The following GOLGA1 variants were observed in gnomAD, a reference collection of about 807,000 sequenced individuals.
GOLGA1 encodes the protein golgin subfamily A member 1.
GOLGA1 carries 63 observed loss-of-function variants against 119.7 expected under a neutral mutation model. The ratio of observed to expected loss-of-function variants is 0.53; its 90% CI spans 0.43 to 0.65. The LOEUF (loss-of-function observed/expected upper bound fraction) is 0.65. Ranked by LOEUF, GOLGA1 falls within the 30% of genes least tolerant of loss-of-function variation. The pLI is 0.00. For synonymous variants in GOLGA1, 318 were observed against 333.4 expected (o/e 0.95, Z 0.50); for missense variants, 798 against 912.8 (o/e 0.87, Z 1.62).
chr9:124,918,772 A>G (rs969333062), intron 10 of GOLGA1, among the ~76,000 whole-genome samples: 1 of 151,962 alleles, frequency 6.6e-6, no homozygotes, highest in Non-Finnish European at 1.5e-5. Flanking sequence ...AAACAAAATA[A>G]TACAAAAACC....
Position 124,939,593 on chromosome 9 carries a change from G to A in GOLGA1, c.-156+513C>T, listed in dbSNP as rs550999994. 1.1e-3 allele frequency among the ~76,000 whole-genome samples: 98 copies of A among 85,590 alleles called. 3 individuals are homozygous for A. The South Asian group carries it at 0.029, about 25-fold the overall frequency. 56.2% of individuals were successfully genotyped at this position (85,590 alleles called of 152,430 possible). On this transcript the variant is annotated intron_variant, in intron 2 of 22. Transcript: ENST00000373555. The stretch of plus-strand genomic sequence containing the variant: ...TTTTTTTTTTTTGAGATGGAGTTTC[G>A]CTCTTGTTGCCTAAGCTGGAATGCA...
rs561689475 is a variant in GOLGA1, at chr9:124,934,123, A to G, written c.136-2717T>C. Among the ~76,000 whole-genome samples, 3 of 152,284 alleles carry G rather than the reference A, an allele frequency of 2.0e-5. No homozygotes were observed. In the South Asian group the frequency reaches 6.2e-4, roughly 32 times the overall value. ...TTCCTATCCCCATTTTATAGATGTGAAAAATAAGGCAAGGAAAAATGAAGA... is the reference window on the plus strand; with the variant it reads ...TTCCTATCCCCATTTTATAGATGTGGAAAATAAGGCAAGGAAAAATGAAGA... On this transcript the variant is annotated intron_variant, in intron 3 of 22. Transcript: ENST00000373555.
chr9:124,912,067 C>T, intron 10 of GOLGA1, 41 bp from the exon 11 acceptor site: 1 of 1,582,230 alleles, frequency 6.3e-7, no homozygotes, highest in Non-Finnish European at 8.6e-7. Context: ...TAGAAGCCCT[C>T]TCTTCCTTCC....
At position 124,946,591 on chromosome 9, in the gene GOLGA1, A is replaced by G. The variant is rs1319104106; in HGVS notation, c.-156+1327T>C. ...CTCCTACACTCTTTCATGCAAATAA[A>G]TATGTCAACTGAAGTAACCAAACAT... On this transcript the variant is annotated intron_variant, in intron 1 of 4. Coordinates refer to the GOLGA1 transcript ENST00000421514. The surrounding 1 kb of genome is among the most constrained non-coding windows in gnomAD (Gnocchi z 4.0). 1.3e-5 allele frequency: 2 copies of G among 152,208 alleles called. No individual in the cohort carries two copies. Among genetic ancestry groups the G allele is most frequent in the African/African-American group, 4.8e-5 (2 of 41,458 alleles). The allele number at this position is 152,208 out of a possible 1,614,324, so 9.4% of individuals were successfully genotyped here.
At chr9:124,908,516 T>A in intron 11 of GOLGA1, 44 bp from the exon 12 acceptor site, 1 of 986,222 alleles carries the variant, frequency 1.0e-6, no homozygotes, top group East Asian at 2.4e-5. Flanking sequence ...CATTCCTCAG[T>A]TGAATAAATA....
intron 13 of GOLGA1, 88 bp from the exon 14 acceptor site, chr9:124,899,566 T>C: frequency 2.3e-6 from 3 of 1,283,048 alleles, no homozygotes; most frequent in Non-Finnish European, 3.2e-6. Context: ...AAGATGAGTA[T>C]CCAACAGAAA....
rs183682003 is a variant in GOLGA1, at chr9:124,924,921, T to C, written c.433-1698A>G. ...AGTGAAACCCTGTCTCTACTAAAAA[T>C]ATAAAAAAATTAGCCAGGTGTGGTG... On this transcript the variant is annotated intron_variant, in intron 7 of 22. Transcript: ENST00000373555. Among the ~76,000 whole-genome samples the C allele has an allele frequency of 6.0e-3, 913 of 151,314 alleles. 9 individuals are homozygous for C. Among genetic ancestry groups the C allele is most frequent in the African/African-American group, 0.021 (865 of 41,240 alleles).
In GOLGA1 at chr9:124,897,808, G is replaced by T. The variant is rs1588067557; in HGVS notation, c.1407+741C>A. Among the ~76,000 whole-genome samples, 3 of 152,306 alleles carry T rather than the reference G, an allele frequency of 2.0e-5. No individual in the cohort carries two copies. The East Asian group carries it at 5.8e-4, about 29-fold the overall frequency. On this transcript the variant is annotated intron_variant, in intron 15 of 22. Transcript: ENST00000373555. ...TGTCACTCATCAGATCTGATTACTG[G>T]AAGCTTACTAGGTGCAGGCATTCAT...
chr9:124,897,555 G>A (rs921866384), intron 15 of GOLGA1, among the ~76,000 whole-genome samples: 2 of 152,102 alleles, frequency 1.3e-5, no homozygotes, highest in African/African-American at 4.8e-5. Flanking sequence ...TGGCCAGGCT[G>A]GTCTCGAACT....
At chr9:124,920,802 C>CG (rs1830551185) in intron 10 of GOLGA1, among the ~76,000 whole-genome samples, 1 of 140,912 alleles carries the variant, frequency 7.1e-6, no homozygotes, top group Admixed American at 7.6e-5. Flanking sequence ...GGTGTGGTGG[C>CG]GGGCGCCTAT....
At chr9:124,922,652 T>A (rs923786626) in intron 8 of GOLGA1, among the ~76,000 whole-genome samples, 1 of 151,560 alleles carries the variant, frequency 6.6e-6, no homozygotes, top group African/African-American at 2.4e-5. Flanking sequence ...ACAGTTCCAG[T>A]TACTTGGGAG....
intron 10 of GOLGA1, among the ~76,000 whole-genome samples, chr9:124,915,399 A>T (rs1215040969): frequency 6.6e-6 from 1 of 152,184 alleles, no homozygotes; most frequent in Non-Finnish European, 1.5e-5. Context: ...TTCACTAATG[A>T]TTATTTATGA....
At chr9:124,914,415 G>A (rs1459585929) in intron 10 of GOLGA1, among the ~76,000 whole-genome samples, 2 of 152,114 alleles carry the variant, frequency 1.3e-5, no homozygotes, top group African/African-American at 4.8e-5. Context: ...GCGGGAGAAC[G>A]GCGTGAACCT....
At chr9:124,926,881 A>G in intron 6 of GOLGA1, 140 bp from the exon 7 acceptor site, 2 of 577,768 alleles carry the variant, frequency 3.5e-6, no homozygotes, top group South Asian at 2.4e-5. Context: ...AAAAAAATCT[A>G]TAAACTTGGT....
upstream of GOLGA1, among the ~76,000 whole-genome samples, chr9:124,941,382 A>T (rs1004960166): frequency 3.3e-5 from 5 of 152,196 alleles, no homozygotes; most frequent in Non-Finnish European, 7.4e-5. Flanking sequence ...TGTCAAAAGT[A>T]AAAGAACCCA....
At chr9:124,944,270 C>CCATTCTT (rs1831105242), upstream of GOLGA1, 1 of 151,510 alleles carries the variant, frequency 6.6e-6, no homozygotes, top group Admixed American at 6.6e-5. Context: ...TTAACAAAAA[C>CCATTCTT]CATTCTTCAG....
intron 10 of GOLGA1, among the ~76,000 whole-genome samples, 176 bp from the exon 11 acceptor site, chr9:124,912,202 C>A (rs902091423): frequency 1.4e-4 from 21 of 152,108 alleles, no homozygotes; most frequent in African/African-American, 4.3e-4. Context: ...TAGAACCTGG[C>A]AAAACTCAGG....
intron 15 of GOLGA1, among the ~76,000 whole-genome samples, chr9:124,897,338 A>G (rs1283977718): frequency 6.6e-6 from 1 of 151,932 alleles, no homozygotes; most frequent in Non-Finnish European, 1.5e-5. Context: ...ACTGCTATTT[A>G]TTTTATTTTA....
chr9:124,882,024 T>G, intron 20 of GOLGA1, 70 bp from the exon 21 acceptor site: 2 of 1,158,172 alleles, frequency 1.7e-6, no homozygotes, highest in Non-Finnish European at 2.5e-6. Context: ...CACGGGAGGT[T>G]CACCTGGTCC....
Sources: gnomAD v4.1 joint callset for allele counts (sites outside exome capture counted in the v4.1 genomes callset) on GRCh38, gnomAD v4.1.1 for gene constraint, Gnocchi (gnomAD v3.1) non-coding constraint, MANE v1.5 for transcripts, NCBI Gene and HGNC (gene_info 2026-07-23, HGNC 2026-07-21) for gene names.